GPC5: variants seen among roughly 807,000 people sequenced by gnomAD.
The protein encoded by GPC5 is glypican 5.
GPC5 carries 47 observed loss-of-function variants against 53.9 expected under a neutral mutation model. The ratio of observed to expected loss-of-function variants is 0.87; its 90% CI spans 0.69 to 1.11. The LOEUF is 1.11. Among genes scored for constraint, GPC5 ranks in the 50% most tolerant of loss-of-function variants. The pLI, the probability that GPC5 is intolerant of heterozygous loss-of-function variation, is 0.00. For missense variants in GPC5, 748 were observed against 713.1 expected (o/e 1.05, Z -0.56); for synonymous variants, 286 against 263.3 (o/e 1.09, Z -0.84).
At chr13:91,774,113 G>A (rs1002248940) in intron 5 of GPC5, among the ~76,000 whole-genome samples, 2 of 152,060 alleles carry the variant, frequency 1.3e-5, no homozygotes, top group Admixed American at 6.6e-5. Context: ...GTAAACAAAT[G>A]TTTAAATTTT....
At chr13:91,435,224 G>A (rs151047348) in intron 1 of GPC5, among the ~76,000 whole-genome samples, 3,214 of 152,226 alleles carry the variant, frequency 0.021, 61 homozygotes, top group South Asian at 0.04. Flanking sequence ...CCAACACTAT[G>A]TTGATAGGCG....
chr13:92,130,417 T>G (rs899063355), intron 6 of GPC5, among the ~76,000 whole-genome samples: 2 of 151,298 alleles, frequency 1.3e-5, no homozygotes, highest in Non-Finnish European at 2.9e-5. Flanking sequence ...TTATAGAAAC[T>G]ATATGATTAA....
chr13:92,461,975 G>A (rs1878500953), intron 7 of GPC5, among the ~76,000 whole-genome samples: 1 of 152,180 alleles, frequency 6.6e-6, no homozygotes, highest in African/African-American at 2.4e-5. Context: ...AAAGCCCAAA[G>A]GCTCAGGATA....
At chr13:91,437,414 C>G (rs1022777866) in intron 1 of GPC5, among the ~76,000 whole-genome samples, 11 of 152,230 alleles carry the variant, frequency 7.2e-5, no homozygotes, top group African/African-American at 2.6e-4. Flanking sequence ...ATTTGCTTGT[C>G]TGTAAAGTAT....
At chr13:92,040,560 C>T (rs534098497) in intron 6 of GPC5, among the ~76,000 whole-genome samples, 1 of 152,270 alleles carries the variant, frequency 6.6e-6, no homozygotes, top group Non-Finnish European at 1.5e-5. Context: ...AATGAAGGTG[C>T]CCAGTGAGCC....
chr13:91,671,704 T>C (rs2035246398), intron 2 of GPC5, among the ~76,000 whole-genome samples: 1 of 146,622 alleles, frequency 6.8e-6, no homozygotes, highest in Admixed American at 7.0e-5. Flanking sequence ...ATTAACATTC[T>C]TCACAGAATT....
At position 91,972,745 on chromosome 13, in the gene GPC5, T is replaced by C. The variant is rs538952515; in HGVS notation, c.1401+64688T>C. Reference sequence around the variant, plus strand: ...TTGTTAAGCTTAGTTTGGCTGGATATGAAATTCTGGGTTGAAAATTCTTTT... The same window carrying C: ...TTGTTAAGCTTAGTTTGGCTGGATACGAAATTCTGGGTTGAAAATTCTTTT... On this transcript the variant is annotated intron_variant, in intron 6 of 7. Transcript: ENST00000377067. Among the ~76,000 whole-genome samples, 318 of 152,316 alleles carry C rather than the reference T, an allele frequency of 2.1e-3. 3 individuals carry two copies. The highest frequency in any genetic ancestry group is 3.9e-3 in the Non-Finnish European group (264 of 68,032).
chr13:91,529,035 T>C (rs1330185647), intron 2 of GPC5, among the ~76,000 whole-genome samples: 4 of 152,200 alleles, frequency 2.6e-5, no homozygotes, highest in African/African-American at 9.7e-5. Flanking sequence ...ATATCAATGC[T>C]AGAGTTTTGA....
At chr13:91,809,058 G>A (rs1227668571) in intron 5 of GPC5, among the ~76,000 whole-genome samples, 2 of 152,098 alleles carry the variant, frequency 1.3e-5, no homozygotes, top group East Asian at 3.8e-4. Context: ...GAAGGACATT[G>A]TCTAAAATTT....
chr13:92,025,675 A>G (rs1469217973), intron 6 of GPC5, among the ~76,000 whole-genome samples: 1 of 152,156 alleles, frequency 6.6e-6, no homozygotes, highest in Non-Finnish European at 1.5e-5. Context: ...CTTTTTGTCC[A>G]TGAGACACTT....
At chr13:92,056,059 C>T (rs1251797236) in intron 6 of GPC5, among the ~76,000 whole-genome samples, 1 of 152,098 alleles carries the variant, frequency 6.6e-6, no homozygotes, top group African/African-American at 2.4e-5. Flanking sequence ...TCCTATTGCT[C>T]CCATACCCAA....
At chr13:91,610,842 G>T (rs144195261) in intron 2 of GPC5, among the ~76,000 whole-genome samples, 3 of 152,138 alleles carry the variant, frequency 2.0e-5, no homozygotes, top group Admixed American at 2.0e-4. Flanking sequence ...ACATGTTCTT[G>T]CCAGTAGAGA....
chr13:92,061,092 G>T (rs1042030783), intron 6 of GPC5, among the ~76,000 whole-genome samples: 1 of 101,658 alleles, frequency 9.8e-6, no homozygotes, highest in African/African-American at 3.6e-5. Context: ...TAACCTGGGT[G>T]CTGTTAGATA....
At chr13:91,558,119 T>C (rs1048610668) in intron 2 of GPC5, among the ~76,000 whole-genome samples, 2 of 152,136 alleles carry the variant, frequency 1.3e-5, no homozygotes, top group African/African-American at 4.8e-5. Context: ...GGAATTGGAA[T>C]TGACAGTTTC....
chr13:91,856,962 C>CTTT (rs71113772), intron 5 of GPC5, among the ~76,000 whole-genome samples: 1 of 146,324 alleles, frequency 6.8e-6, no homozygotes, highest in Non-Finnish European at 1.5e-5. Flanking sequence ...TAAGCTTTTT[C>CTTT]TTTTTTTTTT....
chr13:92,567,026 C>T (rs973183576), intron 7 of GPC5, among the ~76,000 whole-genome samples: 2 of 151,936 alleles, frequency 1.3e-5, no homozygotes, highest in African/African-American at 2.4e-5. Flanking sequence ...TCTTTGATGC[C>T]ATCTACAAAG....
intron 7 of GPC5, among the ~76,000 whole-genome samples, chr13:92,315,179 C>T (rs192900262): frequency 3.3e-5 from 5 of 152,158 alleles, no homozygotes; most frequent in South Asian, 2.1e-4. Flanking sequence ...ACGATATATT[C>T]GGAAGGTTAC....
intron 6 of GPC5, among the ~76,000 whole-genome samples, chr13:92,041,515 G>A (rs1232561470): frequency 6.6e-6 from 1 of 152,028 alleles, no homozygotes; most frequent in African/African-American, 2.4e-5. Flanking sequence ...TTAACCCAGG[G>A]GTGTCTTATA....
chr13:91,513,408 T>A (rs1226877466), intron 2 of GPC5, among the ~76,000 whole-genome samples: 3 of 151,986 alleles, frequency 2.0e-5, no homozygotes, highest in Non-Finnish European at 4.4e-5. Flanking sequence ...TTATCACACA[T>A]GTATGGGTTT....
Sources: gnomAD v4.1 joint callset for allele counts (sites outside exome capture counted in the v4.1 genomes callset) on GRCh38, gnomAD v4.1.1 for gene constraint, MANE v1.5 for transcripts, NCBI Gene and HGNC (gene_info 2026-07-23, HGNC 2026-07-21) for gene names.